The following NME7 variants were observed in gnomAD, a reference collection of about 807,000 sequenced individuals.
NME7 encodes the protein NME/NM23 family member 7, also known as nucleoside diphosphate kinase 7.
Under a neutral mutation model 49.1 loss-of-function variants are expected in NME7, and 41 were observed. The ratio of observed to expected loss-of-function variants is 0.83; its 90% confidence interval spans 0.65 to 1.08. NME7 has a LOEUF of 1.08. Ranked by LOEUF, NME7 falls within the 50% of genes least tolerant of loss-of-function variation. NME7 has a pLI of 0.00. For synonymous variants in NME7, 139 were observed against 150.6 expected (o/e 0.92, Z 0.56); for missense variants, 423 against 463.4 (o/e 0.91, Z 0.80).
At chr1:169,322,302 A>G (rs1651876701) in intron 3 of NME7, 1 of 152,226 alleles carries the variant, frequency 6.6e-6, no homozygotes, top group Non-Finnish European at 1.5e-5. Context: ...CAATAGAGAG[A>G]AGAACAGGGA....
At chr1:169,261,108 T>C (rs990100028) in intron 7 of NME7, among the ~76,000 whole-genome samples, 1 of 133,996 alleles carries the variant, frequency 7.5e-6, no homozygotes, top group Non-Finnish European at 1.8e-5. Flanking sequence ...TAAATTTCTT[T>C]TATAAATGTT....
At chr1:169,355,160 TAG>T (rs1312461597) in intron 1 of NME7, among the ~76,000 whole-genome samples, 1 of 38,988 alleles carries the variant, frequency 2.6e-5, no homozygotes, top group African/African-American at 9.5e-5. Flanking sequence ...CTATATATTA[TAG>T]ATATAATATA....
intron 10 of NME7, among the ~76,000 whole-genome samples, chr1:169,185,604 C>T (rs1660043277): frequency 6.6e-6 from 1 of 152,080 alleles, no homozygotes; most frequent in African/African-American, 2.4e-5. Context: ...TTGTCACTTC[C>T]ATGAAGCATT....
chr1:169,191,915 T>A (rs1288031477), intron 10 of NME7, among the ~76,000 whole-genome samples: 1 of 152,158 alleles, frequency 6.6e-6, no homozygotes, highest in Admixed American at 6.5e-5. Context: ...TCCAGCTGCA[T>A]CACATCACAT....
chr1:169,243,284 TAGAG>T (rs1411649811), intron 7 of NME7, among the ~76,000 whole-genome samples: 1 of 152,126 alleles, frequency 6.6e-6, no homozygotes, highest in Non-Finnish European at 1.5e-5. Context: ...CAATTCAAAT[TAGAG>T]AGATAACTTT....
chr1:169,171,945 C>T (rs959625977), intron 10 of NME7, among the ~76,000 whole-genome samples: 9 of 152,048 alleles, frequency 5.9e-5, no homozygotes, highest in African/African-American at 2.2e-4. Context: ...TATTAGCTGC[C>T]TTCCCATTGC....
At chr1:169,217,609 G>C (rs1661007038) in intron 10 of NME7, among the ~76,000 whole-genome samples, 1 of 152,090 alleles carries the variant, frequency 6.6e-6, no homozygotes, top group Non-Finnish European at 1.5e-5. Context: ...TGTAAAATCT[G>C]TTCTATTTGC....
At chr1:169,244,623 G>A (rs1382527560) in intron 7 of NME7, among the ~76,000 whole-genome samples, 4 of 122,856 alleles carry the variant, frequency 3.3e-5, no homozygotes, top group Admixed American at 9.4e-5. Flanking sequence ...ACCACAGACT[G>A]AGACTCCATC....
intron 7 of NME7, among the ~76,000 whole-genome samples, chr1:169,253,792 A>C (rs1021450016): frequency 6.6e-5 from 10 of 151,874 alleles, no homozygotes; most frequent in African/African-American, 2.4e-4. Flanking sequence ...AATTTTGTCA[A>C]AGGCTTTTTC....
chr1:169,342,480 T>C (rs1652748567), intron 1 of NME7, among the ~76,000 whole-genome samples: 2 of 134,896 alleles, frequency 1.5e-5, no homozygotes, highest in African/African-American at 5.4e-5. Context: ...TATATACTTG[T>C]ATTAGTATAT....
At chr1:169,328,781 T>C (rs1371399421) in intron 1 of NME7, among the ~76,000 whole-genome samples, 1 of 152,222 alleles carries the variant, frequency 6.6e-6, no homozygotes, top group Non-Finnish European at 1.5e-5. Flanking sequence ...AACAATTTTC[T>C]TTTTAAATTT....
intron 10 of NME7, among the ~76,000 whole-genome samples, chr1:169,191,765 T>C (rs1660237846): frequency 6.6e-6 from 1 of 152,218 alleles, no homozygotes; most frequent in African/African-American, 2.4e-5. Flanking sequence ...TCAGTCTTAG[T>C]GCTATTTGCA....
intron 10 of NME7, among the ~76,000 whole-genome samples, chr1:169,182,403 C>T (rs1659954732): frequency 6.6e-6 from 1 of 152,156 alleles, no homozygotes; most frequent in South Asian, 2.1e-4. Flanking sequence ...TCCCTCTCGT[C>T]ATAAATGGCA....
At chr1:169,232,147 A>G (rs1255021699) in intron 9 of NME7, among the ~76,000 whole-genome samples, 1 of 152,174 alleles carries the variant, frequency 6.6e-6, no homozygotes, top group Non-Finnish European at 1.5e-5. Flanking sequence ...TCCAAATACA[A>G]CGTCTAGAGA....
intron 10 of NME7, among the ~76,000 whole-genome samples, chr1:169,220,919 T>C (rs1459043094): frequency 6.6e-6 from 1 of 152,188 alleles, no homozygotes; most frequent in African/African-American, 2.4e-5. Flanking sequence ...TAGGTATAAA[T>C]GCCTTCTCTA....
At chr1:169,342,636 GTA>G (rs1307999071) in intron 1 of NME7, among the ~76,000 whole-genome samples, 4 of 26,518 alleles carry the variant, frequency 1.5e-4, no homozygotes, top group South Asian at 8.5e-4. Context: ...CATATATATA[GTA>G]TATATATATA....
chr1:169,192,592 T>C (rs571288045), intron 10 of NME7, among the ~76,000 whole-genome samples: 2 of 152,250 alleles, frequency 1.3e-5, no homozygotes, highest in South Asian at 4.2e-4. Flanking sequence ...AGGAGTACTT[T>C]ACTTGGAAAA....
intron 6 of NME7, among the ~76,000 whole-genome samples, chr1:169,288,877 T>C (rs1650385712): frequency 6.6e-6 from 1 of 152,136 alleles, no homozygotes; most frequent in Non-Finnish European, 1.5e-5. Context: ...TACAGGGACC[T>C]GGCAGATGAT....
At chr1:169,154,275 A>T (rs1221110562) in intron 11 of NME7, among the ~76,000 whole-genome samples, 1 of 152,104 alleles carries the variant, frequency 6.6e-6, no homozygotes, top group African/African-American at 2.4e-5. Context: ...AGCCTCCGAA[A>T]GTGTTGGGAT....
Sources: allele counts gnomAD v4.1 joint callset (sites outside exome capture counted in the v4.1 genomes callset), GRCh38; gene constraint gnomAD v4.1.1; transcripts MANE v1.5; gene names NCBI Gene and HGNC (gene_info 2026-07-23, HGNC 2026-07-21).